DIAPH1: variants seen among roughly 807,000 people sequenced by gnomAD.
The protein encoded by DIAPH1 is diaphanous related formin 1.
A neutral mutation model predicts 140.7 loss-of-function variants in DIAPH1; 46 were observed. The observed-to-expected ratio is 0.33, with a 90% confidence interval of 0.26 to 0.42. DIAPH1 has a LOEUF of 0.42. Ranked by LOEUF, DIAPH1 falls within the 10% of genes least tolerant of loss-of-function variation. The pLI, the probability that DIAPH1 is intolerant of heterozygous loss-of-function variation, is 1.00. For missense variants in DIAPH1, 1,310 were observed against 1,558.7 expected, an observed-to-expected ratio of 0.84 and a Z score of 2.69; for synonymous variants, 565 against 551.6, an observed-to-expected ratio of 1.02 and a Z score of -0.34.
chr5:141,549,449 G>C (rs1391544784), intron 18 of DIAPH1, among the ~76,000 whole-genome samples: 2 of 152,040 alleles, frequency 1.3e-5, no homozygotes, highest in Admixed American at 6.6e-5. Context: ...AACCACAGTG[G>C]AAGAATTAAC....
chr5:141,603,303 T>C (rs1445657198), intron 1 of DIAPH1, among the ~76,000 whole-genome samples: 2 of 152,178 alleles, frequency 1.3e-5, no homozygotes, highest in African/African-American at 4.8e-5. Context: ...TATACATATA[T>C]CAAAACATCA....
chr5:141,612,791 A>C (rs1251983310), intron 1 of DIAPH1, among the ~76,000 whole-genome samples: 3 of 152,178 alleles, frequency 2.0e-5, no homozygotes, highest in Admixed American at 6.5e-5. Context: ...AAAAATAGAG[A>C]TGAAGGGTAT....
Position 141,595,425 on chromosome 5 carries a change from T to C in DIAPH1, c.118-7175A>G, listed in dbSNP as rs999231114. Among the ~76,000 whole-genome samples the C allele has an allele frequency of 2.0e-5, 3 of 152,160 alleles. No homozygotes were observed. The East Asian group carries it at 5.8e-4, about 29-fold the overall frequency. On this transcript the variant is annotated intron_variant, in intron 1 of 27. Coordinates refer to ENST00000389054, the MANE Select transcript of DIAPH1 (RefSeq NM_005219.5). ...CCATGCGATATGGTTTGGCTCTGTG[T>C]CCCCACCCAAATCTCACCTTGAAAT... is the stretch of plus-strand genomic sequence containing the variant.
chr5:141,610,490 G>C (rs758327147), intron 1 of DIAPH1, among the ~76,000 whole-genome samples: 1 of 151,980 alleles, frequency 6.6e-6, no homozygotes, highest in African/African-American at 2.4e-5. Context: ...TAGTAGAGAC[G>C]GGGTTTCACC....
At chr5:141,579,275 G>C (rs983122005) in intron 8 of DIAPH1, 79 bp from the exon 9 acceptor site, 4 of 1,010,674 alleles carry the variant, frequency 4.0e-6, no homozygotes, top group Non-Finnish European at 6.4e-6. Flanking sequence ...TTACACAGGG[G>C]CACAGACCGA....
At chr5:141,521,528 T>C (rs1018590124) in intron 27 of DIAPH1, among the ~76,000 whole-genome samples, 1 of 152,182 alleles carries the variant, frequency 6.6e-6, no homozygotes, top group African/African-American at 2.4e-5. Flanking sequence ...AACTCCTCAA[T>C]GAGTCTTTGT....
chr5:141,617,471 A>C (rs2099902871), intron 1 of DIAPH1, among the ~76,000 whole-genome samples: 1 of 152,154 alleles, frequency 6.6e-6, no homozygotes, highest in Admixed American at 6.5e-5. Flanking sequence ...TAACATCTCA[A>C]CCCTCTAGGT....
At chr5:141,553,827 C>T (rs962348806) in intron 18 of DIAPH1, among the ~76,000 whole-genome samples, 2 of 152,190 alleles carry the variant, frequency 1.3e-5, no homozygotes, top group East Asian at 1.9e-4. Context: ...AGGGGATTCA[C>T]GAAGCCAACA....
At chr5:141,581,495 A>G (rs1226889266) in intron 7 of DIAPH1, among the ~76,000 whole-genome samples, 1 of 152,246 alleles carries the variant, frequency 6.6e-6, no homozygotes, top group African/African-American at 2.4e-5. Flanking sequence ...GTCTTCCAAG[A>G]ATAAAAGTCT....
Position 141,618,774 on chromosome 5 carries a change from G to C in DIAPH1, c.117+24C>G, listed in dbSNP as rs1297737436. 3 of 1,511,818 alleles carry C rather than the reference G, an allele frequency of 2.0e-6. No individual in the cohort carries two copies. In the African/African-American group the frequency reaches 4.2e-5, roughly 21 times the overall value. 93.7% of individuals were successfully genotyped at this position (1,511,818 alleles called of 1,614,324 possible). ...AGAGGGCGGTTACGGGGCCAGGCAG[G>C]AGCGGGATGGGAGGGACACTCACAA... On this transcript the variant is annotated intron_variant, in intron 1 of 27. Transcript: ENST00000389054.
Position 141,576,222 on chromosome 5 carries a change from A to G in DIAPH1, c.1461+8T>C. The G allele has an allele frequency of 6.2e-7, 1 of 1,606,118 alleles. No individual in the cohort carries two copies. The highest frequency in any genetic ancestry group is 1.1e-5 in the South Asian group (1 of 90,906). On this transcript the variant is annotated splice_region_variant and intron_variant, in intron 14 of 27. Coordinates refer to ENST00000389054, the MANE Select transcript of DIAPH1 (RefSeq NM_005219.5). The stretch of plus-strand genomic sequence containing the variant: ...CTCAAACACATGTCTTTGGTCTCTC[A>G]TATGCACCTTCTTTTCCAGCTCTGC...
intron 18 of DIAPH1, among the ~76,000 whole-genome samples, chr5:141,558,655 G>T (rs760314887): frequency 2.0e-5 from 3 of 152,096 alleles, no homozygotes; most frequent in African/African-American, 2.4e-5. Flanking sequence ...TGCAGCATTT[G>T]TACCTATTCT....
intron 26 of DIAPH1, 129 bp downstream of exon 26, chr5:141,525,909 G>C (rs957109199): frequency 2.8e-5 from 40 of 1,440,712 alleles, no homozygotes; most frequent in Non-Finnish European, 3.8e-5. Context: ...TCAGGATCTC[G>C]GAGTGAAGAC....
At chr5:141,566,831 G>A (rs995583960) in intron 18 of DIAPH1, among the ~76,000 whole-genome samples, 1 of 152,142 alleles carries the variant, frequency 6.6e-6, no homozygotes, top group Non-Finnish European at 1.5e-5. Context: ...GGAGGCAGAG[G>A]CTACAGTGAA....
chr5:141,570,819 A>G (rs781327351), intron 18 of DIAPH1, among the ~76,000 whole-genome samples: 11 of 152,220 alleles, frequency 7.2e-5, no homozygotes, highest in Admixed American at 2.0e-4. Context: ...GGAAGTAACT[A>G]TAAGTACCCT....
intron 27 of DIAPH1, among the ~76,000 whole-genome samples, chr5:141,523,120 G>A (rs1334788680): frequency 6.6e-6 from 1 of 152,172 alleles, no homozygotes; most frequent in African/African-American, 2.4e-5. Flanking sequence ...CTAAGCACTG[G>A]CCAAAGCAAG....
At chr5:141,578,386 C>G in intron 10 of DIAPH1, 43 bp from the exon 11 acceptor site, 1 of 1,562,256 alleles carries the variant, frequency 6.4e-7, no homozygotes, top group Non-Finnish European at 8.8e-7. Context: ...CAAAAGTATC[C>G]TCTGTGGTTA....
At chr5:141,532,271 A>C (rs577565220) in intron 19 of DIAPH1, among the ~76,000 whole-genome samples, 209 of 152,192 alleles carry the variant, frequency 1.4e-3, no homozygotes, top group African/African-American at 4.8e-3. Context: ...TCCTGGGCTC[A>C]AGTGATCCTT....
In DIAPH1 at chr5:141,569,114, C is replaced by T. The variant is rs374483073; in HGVS notation, c.2482+2314G>A. 1.6e-4 allele frequency among the ~76,000 whole-genome samples: 24 copies of T among 152,186 alleles called. No homozygotes were observed. The East Asian group carries it at 2.9e-3, about 18-fold the overall frequency. ...GAATGAATGAAGTGGTTCCTGAAGG[C>T]GGCATATCCCCTTTCTTGCAGCTTT... On this transcript the variant is annotated intron_variant, in intron 18 of 27. Coordinates refer to ENST00000389054, the MANE Select transcript of DIAPH1 (RefSeq NM_005219.5).
Sources: allele counts gnomAD v4.1 joint callset (sites outside exome capture counted in the v4.1 genomes callset), GRCh38; gene constraint gnomAD v4.1.1; transcripts MANE v1.5; gene names NCBI Gene and HGNC (gene_info 2026-07-23, HGNC 2026-07-21).